Variants in FAM186B observed in about 807,000 individuals in gnomAD.
FAM186B encodes the protein protein FAM186B.
In FAM186B, 68 loss-of-function variants were observed where a neutral mutation model predicts 83.4. The ratio of observed to expected loss-of-function variants is 0.81; its 90% CI spans 0.67 to 1.00. The LOEUF (loss-of-function observed/expected upper bound fraction) is 1.00, where lower values mean the gene tolerates loss of function less well. Ranked by LOEUF, FAM186B falls within the 50% of genes least tolerant of loss-of-function variation. The pLI is 0.00. For missense variants in FAM186B, 983 were observed against 1,099.2 expected, an observed-to-expected ratio of 0.89 and a Z score of 1.49; for synonymous variants, 389 against 422.0, an observed-to-expected ratio of 0.92 and a Z score of 0.96.
Position 49,587,648 on chromosome 12 carries a change from C to G in FAM186B, c.2639G>C (p.Arg880Thr). 6.2e-7 allele frequency: 1 copy of G among 1,613,684 alleles called. No homozygotes were observed. The highest frequency in any genetic ancestry group is 8.5e-7 in the Non-Finnish European group (1 of 1,180,018). The change falls in exon 7 of 7, where the codon AGG becomes ACG. Residue 880 changes from arginine to threonine, a missense_variant. Transcript: ENST00000257894. ...CAGCCGGGGAATATCTGGGTGTCCC[C>G]TCAGCTGGTCCCGGGGAAGGCTGGC... ...TPASLPRDQLRGHPDIPRLLT... is the reference protein window; with the variant it reads ...TPASLPRDQLTGHPDIPRLLT...
rs369421364 is a variant in FAM186B, at chr12:49,603,289, G to A, written c.401C>T (p.Thr134Met). The A allele has an allele frequency of 5.6e-6, 9 of 1,614,032 alleles. No homozygotes were observed. In the African/African-American group the frequency reaches 6.7e-5, roughly 12 times the overall value. Residue 134 changes from threonine to methionine, a missense_variant, in exon 3 of 7, where the codon ACG becomes ATG. Thr to Met is a moderately conservative substitution (Grantham distance 81). Transcript: ENST00000257894. ...GAGGGACAGCGGTAACACTTTCTCC[G>A]TCACTTCAATCCATTCGTCCAGAGC... ...AAALDEWIEV[T>M]EKVLPLSLIA...
At chr12:49,592,643 G>A (rs1383170333) in intron 5 of FAM186B, among the ~76,000 whole-genome samples, 6 of 151,984 alleles carry the variant, frequency 3.9e-5, no homozygotes, top group African/African-American at 1.2e-4. Context: ...AAAATTAGCC[G>A]GACATGGTGG....
At chr12:49,597,324 G>A (rs975983981) in intron 5 of FAM186B, among the ~76,000 whole-genome samples, 4 of 152,102 alleles carry the variant, frequency 2.6e-5, no homozygotes, top group South Asian at 2.1e-4. Context: ...GGTTGGCCCC[G>A]GAGGACATTA....
rs369048558 is a variant in FAM186B at position 49,600,362 on chromosome 12, A to G, written c.1278T>C (p.Pro426=). 35 of 1,613,976 alleles carry G rather than the reference A, an allele frequency of 2.2e-5. No homozygotes were observed. In the African/African-American group the frequency reaches 4.5e-4, roughly 21 times the overall value. ...VLLPLVDRRF[P]KKWERPVAES... ...CTGCCACCGGTCTTTCCCATTTCTT[A>G]GGAAACCTGCGATCTACTAAGGGTA... Residue 426 remains proline (P), a synonymous_variant, in exon 4 of 7, where the codon CCT becomes CCC. Transcript: ENST00000257894. This position sits in a 1 kb window ranked among gnomAD's most constrained non-coding sequence, Gnocchi z 4.3.
Position 49,601,072 on chromosome 12 carries a change from G to A in FAM186B, c.568C>T (p.Pro190Ser), listed in dbSNP as rs1292127743. The A allele has an allele frequency of 5.6e-6, 9 of 1,609,074 alleles. No homozygotes were observed. The highest frequency in any genetic ancestry group is 5.9e-6 in the Non-Finnish European group (7 of 1,176,710). The change falls in exon 4 of 7, where the codon CCT (proline) becomes TCT (serine). Residue 190 changes from proline to serine, a missense_variant. Pro to Ser is a moderately conservative substitution (Grantham distance 74, BLOSUM62 -1). Transcript: ENST00000257894. The part of the protein sequence containing the change: ...GRSPQTSPSH[P>S]QPLSPEQMLQ... ...ATCTGTTCTGGGCTTAGTGGCTGAG[G>A]ATGGGATGGAGATGTCTGTGGGCTT...
the FAM186B span, among the ~76,000 whole-genome samples, chr12:49,620,691 T>C: frequency 4.6e-5 from 7 of 152,328 alleles, no homozygotes; most frequent in Admixed American, 2.0e-4. Context: ...TTTAGTTCTT[T>C]TGTAATTGTA....
chr12:49,596,299 G>A (rs115096982), intron 5 of FAM186B, among the ~76,000 whole-genome samples: 2,167 of 143,446 alleles, frequency 0.015, 59 homozygotes, highest in African/African-American at 0.053. Context: ...GACTAGCCTC[G>A]GCAATATAGT....
rs944468885 is a variant in FAM186B at position 49,603,386 on chromosome 12, G to A, written c.323-19C>T. 6.2e-7 allele frequency: 1 copy of A among 1,613,722 alleles called. No homozygotes were observed. The highest frequency in any genetic ancestry group is 2.2e-5 in the East Asian group (1 of 44,864). Reference sequence around the variant, plus strand: ...GTGTCACCTGGAGAAGGGATGGGAGGTGCAGGCTGAGAGCAGTCTGTCCTC... The same window carrying A: ...GTGTCACCTGGAGAAGGGATGGGAGATGCAGGCTGAGAGCAGTCTGTCCTC... On this transcript the variant is annotated intron_variant, in intron 2 of 6. Transcript: ENST00000257894.
At position 49,599,798 on chromosome 12, in the gene FAM186B, C is replaced by T; in HGVS notation, c.1842G>A (p.Val614=). The T allele has an allele frequency of 1.2e-6, 2 of 1,613,798 alleles. No individual in the cohort carries two copies. Among genetic ancestry groups the T allele is most frequent in the Non-Finnish European group, 1.7e-6 (2 of 1,179,838 alleles). The change falls in exon 4 of 7, where the codon GTG becomes GTA. Residue 614 remains valine, a synonymous_variant. Coordinates refer to ENST00000257894, the MANE Select transcript of FAM186B (RefSeq NM_032130.3). The part of the protein sequence containing the change: ...ALGKQRPMSS[V]EFTYRPRTRR... ...GGGTCCGTGGTCTGTAGGTAAACTC[C>T]ACTGAACTCATAGGTCTCTGCTTTC... is the stretch of plus-strand genomic sequence containing the variant.
chr12:49,583,385 A>G (rs1253971546), downstream of FAM186B: 3 of 272,636 alleles, frequency 1.1e-5, no homozygotes, highest in Non-Finnish European at 2.2e-5. Flanking sequence ...CTTTCTAATT[A>G]TTTAGAGCGA....
intron 5 of FAM186B, 115 bp from the exon 6 acceptor site, chr12:49,588,738 G>C (rs949702548): frequency 4.8e-6 from 5 of 1,043,622 alleles, no homozygotes; most frequent in Admixed American, 2.6e-5. Context: ...TGAGTGGAGA[G>C]GGTAAGGCCC....
At chr12:49,594,975 C>T (rs1386453645) in intron 5 of FAM186B, among the ~76,000 whole-genome samples, 2 of 151,778 alleles carry the variant, frequency 1.3e-5, no homozygotes, top group African/African-American at 2.4e-5. Flanking sequence ...ATTTTTACAA[C>T]CCAATAATAT....
chr12:49,600,404 G>C lies in FAM186B; in HGVS notation c.1236C>G (p.Ser412Arg). Residue 412 changes from serine to arginine, a missense_variant, in exon 4 of 7, where the codon AGC becomes AGG. By Grantham distance (110) the Ser-to-Arg change is moderately radical. Coordinates refer to ENST00000257894, the MANE Select transcript of FAM186B (RefSeq NM_032130.3). The surrounding 1 kb of genome is among the most constrained non-coding windows in gnomAD (Gnocchi z 4.3). Reference sequence around the variant, plus strand: ...CTAAGGGTAAAAGCACAGGCTCAAGGCTCTCAGTGTCCTTGCTGCCGAACA... The same window carrying C: ...CTAAGGGTAAAAGCACAGGCTCAAGCCTCTCAGTGTCCTTGCTGCCGAACA... ...ADVFGSKDTE[S>R]LEPVLLPLVD... 6.2e-7 allele frequency: 1 copy of C among 1,614,020 alleles called. No homozygotes were observed. Among genetic ancestry groups the C allele is most frequent in the Non-Finnish European group, 8.5e-7 (1 of 1,179,956 alleles).
At chr12:49,602,915 C>T (rs1010672313) in intron 3 of FAM186B, among the ~76,000 whole-genome samples, 3 of 152,174 alleles carry the variant, frequency 2.0e-5, no homozygotes, top group Non-Finnish European at 1.5e-5. Flanking sequence ...AGCTTTGTTC[C>T]TCAGAACCTA....
chr12:49,622,221 C>T, the FAM186B span, among the ~76,000 whole-genome samples: 1 of 150,604 alleles, frequency 6.6e-6, no homozygotes, highest in Admixed American at 6.6e-5. Flanking sequence ...CGCCCGCCCC[C>T]TCCATTCCCC....
intron 5 of FAM186B, among the ~76,000 whole-genome samples, chr12:49,590,303 A>G (rs1015578181): frequency 3.9e-5 from 6 of 152,182 alleles, no homozygotes; most frequent in African/African-American, 1.2e-4. Context: ...GGTTTTCTGG[A>G]TATGAGAGAA....
At chr12:49,606,716 T>C (rs1940031362), upstream of FAM186B, among the ~76,000 whole-genome samples, 1 of 151,870 alleles carries the variant, frequency 6.6e-6, no homozygotes, top group Non-Finnish European at 1.5e-5. Context: ...CTTGCAGGAG[T>C]TGATAGAAGT....
downstream of FAM186B, among the ~76,000 whole-genome samples, chr12:49,586,953 C>T (rs1368006420): frequency 6.6e-6 from 1 of 152,174 alleles, no homozygotes; most frequent in Non-Finnish European, 1.5e-5. Flanking sequence ...CATCAGGACC[C>T]TCTCCCCATT....
chr12:49,594,133 T>A, intron 5 of FAM186B: 1 of 271,036 alleles, frequency 3.7e-6, no homozygotes, highest in Non-Finnish European at 7.7e-6. Context: ...GCCAATGATA[T>A]ATATCTGTGG....
Sources: allele counts gnomAD v4.1 joint callset (sites outside exome capture counted in the v4.1 genomes callset), GRCh38; gene constraint gnomAD v4.1.1; non-coding constraint Gnocchi (gnomAD v3.1); transcripts MANE v1.5; gene names NCBI Gene and HGNC (gene_info 2026-07-23, HGNC 2026-07-21).